Variants in RHOXF1 observed in about 807,000 individuals in gnomAD.
The protein encoded by RHOXF1 is Rhox homeobox family member 1, also known as PEPP subfamily gene 1.
Under a neutral mutation model 9.7 loss-of-function variants are expected in RHOXF1, and 1 was observed. The observed-to-expected ratio is 0.10, with a 90% CI of 0.04 to 0.49. The LOEUF (loss-of-function observed/expected upper bound fraction) is 0.49, where lower values mean the gene tolerates loss of function less well. Ranked by LOEUF, RHOXF1 falls within the 20% of genes least tolerant of loss-of-function variation. RHOXF1 has a pLI of 0.95. For missense variants in RHOXF1, 179 were observed against 168.0 expected (o/e 1.07, Z -0.36); for synonymous variants, 72 against 70.2 (o/e 1.03, Z -0.13).
At chrX:120,113,750 G>A (rs1396042306) in intron 1 of RHOXF1, among the ~76,000 whole-genome samples, 2 of 108,245 alleles carry the variant, frequency 1.8e-5, no homozygotes, top group Non-Finnish European at 3.8e-5. Flanking sequence ...CTGAGCCACC[G>A]TGCCTGGCCC....
intron 2 of RHOXF1, among the ~76,000 whole-genome samples, chrX:120,112,406 T>C (rs1160166314): frequency 1.9e-4 from 2 of 10,512 alleles, no homozygotes; most frequent in Non-Finnish European, 3.1e-4. Flanking sequence ...ATGATATATA[T>C]ACATATATGT....
At chrX:120,117,971 G>A (rs1403343179), upstream of RHOXF1, 4 of 111,716 alleles carry the variant, frequency 3.6e-5, no homozygotes, top group African/African-American at 1.3e-4. Context: ...AGTTCAATGA[G>A]GCAAGGCATA....
intron 2 of RHOXF1, among the ~76,000 whole-genome samples, chrX:120,112,454 TATGTATAATATATAATAC>T (rs2057271224): frequency 2.0e-5 from 1 of 49,560 alleles, no homozygotes; most frequent in Non-Finnish European, 2.9e-5. Context: ...ATAATACACA[TATGTATAATATATAATAC>T]ACATATATGT....
chrX:120,114,029 C>A (rs1556000216), intron 1 of RHOXF1, among the ~76,000 whole-genome samples: 4 of 109,709 alleles, frequency 3.6e-5, no homozygotes, highest in Non-Finnish European at 1.9e-5. Context: ...ACCCAGGAAG[C>A]AAATGTTGCA....
upstream of RHOXF1, among the ~76,000 whole-genome samples, chrX:120,120,263 G>A (rs1303270951): frequency 8.9e-6 from 1 of 112,104 alleles, no homozygotes. Context: ...GCAGGGAAAA[G>A]GTGGAAACTT....
chrX:120,113,178 G>T (rs1441805442), intron 1 of RHOXF1, among the ~76,000 whole-genome samples: 1 of 109,982 alleles, frequency 9.1e-6, no homozygotes, highest in Non-Finnish European at 1.9e-5. Flanking sequence ...GTCTCACTCT[G>T]TCTCCTAGGC....
At chrX:120,116,021 G>GT, upstream of RHOXF1, 1 of 214,234 alleles carries the variant, frequency 4.7e-6, no homozygotes, top group Non-Finnish European at 7.1e-6. Context: ...ATGGAGAGGA[G>GT]TGGGGGGATG....
At chrX:120,109,626 G>T (rs782400887) in intron 2 of RHOXF1, among the ~76,000 whole-genome samples, 2 of 106,749 alleles carry the variant, frequency 1.9e-5, no homozygotes, top group Non-Finnish European at 3.9e-5. Context: ...TTGCTGTTTT[G>T]CCTGGGCTGG....
chrX:120,112,553 A>ATATTACAC (rs2057275394), intron 2 of RHOXF1, among the ~76,000 whole-genome samples: 1 of 39,899 alleles, frequency 2.5e-5, no homozygotes, highest in African/African-American at 2.2e-4. Context: ...ATATATGTAT[A>ATATTACAC]ATATATGTGT....
At position 120,109,355 on chromosome X, in the gene RHOXF1, G is replaced by A. The variant is rs1381850156; in HGVS notation, c.445-53C>T. The A allele has an allele frequency of 1.5e-5, 11 of 745,547 alleles. No homozygotes were observed. The South Asian group carries it at 1.7e-4, about 11-fold the overall frequency. The allele number at this position is 745,547 out of a possible 1,213,427, so 61.4% of individuals were successfully genotyped here. On this transcript the variant is annotated intron_variant, in intron 2 of 2. Coordinates refer to ENST00000217999, the MANE Select transcript of RHOXF1 (RefSeq NM_139282.3). ...TTTAGTATATTGAACAGTTAATGTC[G>A]TAATAGAAAAACACAGGATGCAACT...
chrX:120,110,190 G>A (rs1175769809), intron 2 of RHOXF1, among the ~76,000 whole-genome samples: 1 of 111,733 alleles, frequency 8.9e-6, no homozygotes, highest in Non-Finnish European at 1.9e-5. Flanking sequence ...GAGCGCACTG[G>A]AATTTTAGAC....
At chrX:120,114,786 C>G (rs186362971) in intron 1 of RHOXF1, among the ~76,000 whole-genome samples, 14 of 111,826 alleles carry the variant, frequency 1.3e-4, no homozygotes, top group South Asian at 3.8e-4. Context: ...GTAAAAAACC[C>G]CAGAAAATAA....
intron 2 of RHOXF1, among the ~76,000 whole-genome samples, chrX:120,111,924 A>G (rs2057266535): frequency 8.9e-6 from 1 of 111,870 alleles, no homozygotes; most frequent in African/African-American, 3.3e-5. Context: ...AAACCTTACA[A>G]ACCTTCCTCA....
chrX:120,110,821 A>G (rs1555999698), intron 2 of RHOXF1, among the ~76,000 whole-genome samples: 1 of 112,261 alleles, frequency 8.9e-6, no homozygotes, highest in Non-Finnish European at 1.9e-5. Flanking sequence ...TCTACCTGAC[A>G]CGTCTTTTTC....
intron 2 of RHOXF1, among the ~76,000 whole-genome samples, chrX:120,110,897 G>A (rs1273591324): frequency 2.7e-5 from 3 of 111,881 alleles, no homozygotes; most frequent in Non-Finnish European, 5.6e-5. Flanking sequence ...GTCTAAAAGA[G>A]CTCATTTTGG....
intron 2 of RHOXF1, among the ~76,000 whole-genome samples, chrX:120,110,372 T>C (rs2057259776): frequency 9.0e-6 from 1 of 111,708 alleles, no homozygotes; most frequent in Admixed American, 9.5e-5. Flanking sequence ...GAAAGAGGCA[T>C]ACCATTGTCA....
chrX:120,114,567 T>C (rs1040363801), intron 1 of RHOXF1, among the ~76,000 whole-genome samples: 6 of 108,319 alleles, frequency 5.5e-5, no homozygotes, highest in African/African-American at 2.1e-4. Flanking sequence ...AAAGAACTCC[T>C]ACAACCCAAT....
intron 1 of RHOXF1, among the ~76,000 whole-genome samples, chrX:120,113,481 G>C (rs935775864): frequency 6.4e-5 from 7 of 108,557 alleles, no homozygotes; most frequent in Non-Finnish European, 7.6e-5. Context: ...TTTGAGACAG[G>C]GTCTCACTGT....
intron 1 of RHOXF1, 150 bp downstream of exon 1, chrX:120,115,315 C>T: frequency 2.7e-6 from 1 of 373,142 alleles, no homozygotes; most frequent in Non-Finnish European, 4.4e-6. Context: ...ACCTTGATGC[C>T]CAGGAGGTAA....
Sources: gnomAD v4.1 joint callset for allele counts (sites outside exome capture counted in the v4.1 genomes callset) on GRCh38, gnomAD v4.1.1 for gene constraint, MANE v1.5 for transcripts, NCBI Gene and HGNC (gene_info 2026-07-23, HGNC 2026-07-21) for gene names.